The following GPD2 variants were observed in gnomAD, a reference collection of about 807,000 sequenced individuals.
The protein encoded by GPD2 is glycerol-3-phosphate dehydrogenase 2.
In GPD2, 54 loss-of-function variants were observed where a neutral mutation model predicts 82.4. The ratio of observed to expected loss-of-function variants is 0.66; its 90% CI spans 0.53 to 0.82. The LOEUF (loss-of-function observed/expected upper bound fraction) is 0.82, where lower values mean the gene tolerates loss of function less well. GPD2 is among the 40% of genes least tolerant of loss of function. The pLI, the probability that GPD2 is intolerant of heterozygous loss-of-function variation, is 0.00. For missense variants in GPD2, 748 were observed against 896.2 expected (o/e 0.83, Z 2.11); for synonymous variants, 288 against 306.1 (o/e 0.94, Z 0.62).
chr2:156,456,509 G>T (rs1682794066), intron 1 of GPD2, among the ~76,000 whole-genome samples: 1 of 151,902 alleles, frequency 6.6e-6, no homozygotes, highest in Admixed American at 6.6e-5. Context: ...AGGCTGAGGT[G>T]GGAGAATTGC....
At chr2:156,529,471 T>C (rs1685757301) in intron 6 of GPD2, among the ~76,000 whole-genome samples, 1 of 147,912 alleles carries the variant, frequency 6.8e-6, no homozygotes, top group Admixed American at 6.7e-5. Flanking sequence ...TTTTGTCTTT[T>C]GTTGCCATTG....
chr2:156,581,756 A>C (rs1003986956), intron 16 of GPD2, among the ~76,000 whole-genome samples: 2 of 152,082 alleles, frequency 1.3e-5, no homozygotes, highest in Non-Finnish European at 2.9e-5. Flanking sequence ...GTAGGAGTCC[A>C]TCTCTAATAA....
chr2:156,434,612 T>C (rs185836494), upstream of GPD2, among the ~76,000 whole-genome samples: 203 of 152,282 alleles, frequency 1.3e-3, no homozygotes, highest in Middle Eastern at 3.4e-3. Context: ...GCAACTTATG[T>C]CCCATATTCA....
At chr2:156,530,092 G>C (rs984364955) in intron 6 of GPD2, among the ~76,000 whole-genome samples, 2 of 146,946 alleles carry the variant, frequency 1.4e-5, no homozygotes, top group Non-Finnish European at 3.0e-5. Flanking sequence ...TCTTCCATTT[G>C]TTTGTATCCT....
chr2:156,497,364 A>C (rs2105244346), intron 3 of GPD2, among the ~76,000 whole-genome samples: 1 of 152,340 alleles, frequency 6.6e-6, no homozygotes, highest in Middle Eastern at 3.4e-3. Context: ...TGAATGTAAA[A>C]GACTTTCAGA....
chr2:156,516,317 A>G (rs1204093884), intron 6 of GPD2, among the ~76,000 whole-genome samples: 1 of 152,294 alleles, frequency 6.6e-6, no homozygotes, highest in African/African-American at 2.4e-5. Context: ...GTGAAATTCA[A>G]TAAAATTCAA....
chr2:156,552,295 C>T (rs930802382), intron 8 of GPD2, among the ~76,000 whole-genome samples: 1 of 152,032 alleles, frequency 6.6e-6, no homozygotes, highest in Non-Finnish European at 1.5e-5. Flanking sequence ...TGCAGTGGTA[C>T]CTAATTGAGT....
At chr2:156,493,027 A>G (rs190936188) in intron 2 of GPD2, among the ~76,000 whole-genome samples, 1 of 152,292 alleles carries the variant, frequency 6.6e-6, no homozygotes, top group Admixed American at 6.5e-5. Context: ...TATAAAGGAT[A>G]TTTGATGATA....
At chr2:156,408,690 T>A in the GPD2 span, among the ~76,000 whole-genome samples, 1 of 137,438 alleles carries the variant, frequency 7.3e-6, no homozygotes, top group Admixed American at 7.9e-5. Context: ...CAGTGAGCTG[T>A]GATTGCCCCA....
At chr2:156,497,938 C>CT (rs1553469871) in intron 3 of GPD2, among the ~76,000 whole-genome samples, 1 of 152,124 alleles carries the variant, frequency 6.6e-6, no homozygotes, top group Non-Finnish European at 1.5e-5. Flanking sequence ...TTGAATTCAG[C>CT]TTTTTTCCCC....
chr2:156,565,686 A>G (rs1687362676), intron 9 of GPD2, among the ~76,000 whole-genome samples: 1 of 152,166 alleles, frequency 6.6e-6, no homozygotes, highest in African/African-American at 2.4e-5. Flanking sequence ...TCAAGAGTGT[A>G]GCCTTTAAGA....
chr2:156,401,124 GA>G, the GPD2 span, among the ~76,000 whole-genome samples: 6 of 152,248 alleles, frequency 3.9e-5, no homozygotes, highest in Middle Eastern at 3.4e-3. Flanking sequence ...GATACCCACA[GA>G]AAAAAACTAG....
Position 156,510,861 on chromosome 2 carries a change from T to G in GPD2, c.340T>G (p.Leu114Val), listed in dbSNP as rs1228004517. Residue 114 changes from leucine to valine, a missense_variant, in exon 4 of 17, where the codon TTG (leucine) becomes GTG (valine). Leu to Val is a conservative substitution (Grantham distance 32). Transcript: ENST00000438166. The part of the protein sequence containing the change: ...SSGTSSRSTK[L>V]IHGGVRYLQK... ...AGGGACCAGCAGCAGAAGCACTAAA[T>G]TGATCCATGGTGGTGTGAGATATCT... 6.2e-7 allele frequency: 1 copy of G among 1,612,978 alleles called. No homozygotes were observed. The highest frequency in any genetic ancestry group is 8.5e-7 in the Non-Finnish European group (1 of 1,178,934).
At chr2:156,521,483 A>G (rs929569165) in intron 6 of GPD2, among the ~76,000 whole-genome samples, 1 of 152,236 alleles carries the variant, frequency 6.6e-6, no homozygotes. Flanking sequence ...AAAATAATTT[A>G]TAAGTACAAA....
chr2:156,527,529 C>A (rs1226466541), intron 6 of GPD2, among the ~76,000 whole-genome samples: 1 of 152,030 alleles, frequency 6.6e-6, no homozygotes, highest in Non-Finnish European at 1.5e-5. Context: ...GCACACGCAA[C>A]TAACCTCCCA....
chr2:156,543,304 C>T (rs1054019524), intron 6 of GPD2, among the ~76,000 whole-genome samples: 1 of 152,168 alleles, frequency 6.6e-6, no homozygotes, highest in African/African-American at 2.4e-5. Context: ...TGATCAGCCT[C>T]TGAACTGTGA....
chr2:156,453,320 CAGG>C (rs1387645910), intron 1 of GPD2, among the ~76,000 whole-genome samples: 2 of 152,028 alleles, frequency 1.3e-5, no homozygotes, highest in African/African-American at 2.4e-5. Flanking sequence ...AGCTAGGCAG[CAGG>C]AGAAGTGACT....
At chr2:156,532,256 C>T (rs976986730) in intron 6 of GPD2, among the ~76,000 whole-genome samples, 4 of 152,324 alleles carry the variant, frequency 2.6e-5, no homozygotes, top group African/African-American at 9.6e-5. Flanking sequence ...GTCCTCTCAC[C>T]TTGGCCTCCC....
chr2:156,566,139 T>A (rs1292363950), intron 9 of GPD2, among the ~76,000 whole-genome samples: 1 of 152,136 alleles, frequency 6.6e-6, no homozygotes, highest in East Asian at 1.9e-4. Flanking sequence ...ATGTAAAATA[T>A]TTCCTTAACC....
Sources: allele counts gnomAD v4.1 joint callset (sites outside exome capture counted in the v4.1 genomes callset), GRCh38; gene constraint gnomAD v4.1.1; transcripts MANE v1.5; gene names NCBI Gene and HGNC (gene_info 2026-07-23, HGNC 2026-07-21).